FMO1: variants seen among roughly 807,000 people sequenced by gnomAD.
FMO1 encodes the protein flavin-containing monooxygenase 1.
In FMO1, 36 loss-of-function variants were observed where a neutral mutation model predicts 45.4. The observed-to-expected ratio is 0.79, with a 90% CI of 0.61 to 1.05. FMO1 has a LOEUF of 1.05. Among genes scored for constraint, FMO1 ranks in the 50% least tolerant of loss-of-function variants. The pLI is 0.00. For missense variants in FMO1, 615 were observed against 640.3 expected, an observed-to-expected ratio of 0.96 and a Z score of 0.43; for synonymous variants, 228 against 227.2, an observed-to-expected ratio of 1.00 and a Z score of -0.03.
intron 5 of FMO1, among the ~76,000 whole-genome samples, chr1:171,280,546 A>G (rs963173047): frequency 1.3e-5 from 2 of 152,194 alleles, no homozygotes; most frequent in African/African-American, 4.8e-5. Context: ...CTGGCAGATA[A>G]TAAGTATTCA....
chr1:171,256,161 T>C (rs1365139829), intron 1 of FMO1, among the ~76,000 whole-genome samples: 1 of 149,698 alleles, frequency 6.7e-6, no homozygotes, highest in Non-Finnish European at 1.5e-5. Context: ...TAGTCCCAGC[T>C]ATTCAGGAGG....
intron 1 of FMO1, among the ~76,000 whole-genome samples, chr1:171,256,866 C>T (rs960775181): frequency 1.3e-5 from 2 of 152,012 alleles, no homozygotes; most frequent in Non-Finnish European, 2.9e-5. Context: ...ACTTAACAAA[C>T]TTAGGGAGAT....
Position 171,280,963 on chromosome 1 carries a change from T to G in FMO1, c.805T>G (p.Tyr269Asp). 1 of 1,613,712 alleles carries G rather than the reference T, an allele frequency of 6.2e-7. No individual in the cohort carries two copies. The highest frequency in any genetic ancestry group is 2.2e-5 in the East Asian group (1 of 44,866). ...KINNWLNHAN[Y>D]GLIPEDRTQL... Reference sequence around the variant, plus strand: ...AAACAACTGGCTCAATCATGCAAATTACGGCTTAATACCAGAAGACAGGTA... The same window carrying G: ...AAACAACTGGCTCAATCATGCAAATGACGGCTTAATACCAGAAGACAGGTA... The change falls in exon 6 of 9, where the codon TAC becomes GAC. Residue 269 changes from tyrosine (Y) to aspartate (D), a missense_variant. Physicochemically the swap from Tyr to Asp is radical, Grantham distance 160. Coordinates refer to ENST00000617670, the MANE Select transcript of FMO1 (RefSeq NM_001282693.2).
At chr1:171,275,066 T>C (rs900214312) in intron 3 of FMO1, among the ~76,000 whole-genome samples, 10 of 152,202 alleles carry the variant, frequency 6.6e-5, no homozygotes, top group Non-Finnish European at 1.5e-4. Flanking sequence ...ATCAGAAACT[T>C]AGGTTCTAAT....
intron 3 of FMO1, among the ~76,000 whole-genome samples, chr1:171,268,012 G>A (rs1660689647): frequency 6.6e-6 from 1 of 152,158 alleles, no homozygotes; most frequent in Admixed American, 6.5e-5. Context: ...CACATTTTCA[G>A]CTTGGGCCAA....
intron 2 of FMO1, among the ~76,000 whole-genome samples, chr1:171,263,026 G>T (rs1347778459): frequency 6.6e-6 from 1 of 152,190 alleles, no homozygotes; most frequent in South Asian, 2.1e-4. Flanking sequence ...CTATTTAGGG[G>T]TGAATTTTAT....
At chr1:171,253,402 C>T (rs976417652) in intron 1 of FMO1, among the ~76,000 whole-genome samples, 5 of 152,142 alleles carry the variant, frequency 3.3e-5, no homozygotes, top group African/African-American at 1.2e-4. Context: ...CATGGTGGCT[C>T]ATGGCTATGG....
chr1:171,269,777 C>T (rs896734755), intron 3 of FMO1, among the ~76,000 whole-genome samples: 2 of 152,146 alleles, frequency 1.3e-5, no homozygotes, highest in Non-Finnish European at 2.9e-5. Context: ...TACTGAGATG[C>T]AAAATTTAAG....
At chr1:171,269,254 G>A (rs1263820142) in intron 3 of FMO1, among the ~76,000 whole-genome samples, 1 of 152,174 alleles carries the variant, frequency 6.6e-6, no homozygotes, top group Non-Finnish European at 1.5e-5. Context: ...AACGTCAGAG[G>A]TTAGAACAGT....
At position 171,267,598 on chromosome 1, in the gene FMO1, G is replaced by T. The variant is rs538710309; in HGVS notation, c.188G>T (p.Cys63Phe). ...TACAAGTCTGTGGTTTCCAACAGCT[G>T]CAAGGAGATGTCTTGTTACTCAGAC... ...SLYKSVVSNS[C>F]KEMSCYSDFP... Residue 63 changes from cysteine (C) to phenylalanine (F), a missense_variant, in exon 3 of 9, where the codon TGC (cysteine) becomes TTC (phenylalanine). Cys to Phe is a radical substitution (Grantham distance 205, BLOSUM62 -2). Coordinates refer to ENST00000617670, the MANE Select transcript of FMO1 (RefSeq NM_001282693.2). 27 of 1,613,826 alleles carry T rather than the reference G, an allele frequency of 1.7e-5. No individual in the cohort carries two copies. In the South Asian group the frequency reaches 2.9e-4, roughly 17 times the overall value.
At chr1:171,264,335 TACAC>T (rs199581410) in intron 2 of FMO1, among the ~76,000 whole-genome samples, 1 of 147,870 alleles carries the variant, frequency 6.8e-6, no homozygotes, top group Non-Finnish European at 1.5e-5. Context: ...TATATATATA[TACAC>T]ACACACACAC....
intron 2 of FMO1, among the ~76,000 whole-genome samples, chr1:171,264,898 C>CAA (rs528840080): frequency 3.4e-5 from 5 of 148,668 alleles, no homozygotes; most frequent in Non-Finnish European, 7.5e-5. Context: ...GACTCCATCT[C>CAA]AAAAAAAAAC....
intron 2 of FMO1, among the ~76,000 whole-genome samples, chr1:171,264,354 T>TTA (rs201901760): frequency 0.01 from 1,511 of 147,424 alleles, 25 homozygotes; most frequent in African/African-American, 0.034. Flanking sequence ...ACACACACAT[T>TTA]TATATATATA....
intron 3 of FMO1, chr1:171,270,957 ATCATCTTCTTCATCT>A (rs575630267): frequency 5.1e-6 from 4 of 786,618 alleles, no homozygotes; most frequent in Admixed American, 2.1e-5. Flanking sequence ...CAACTTATTC[ATCATCTTCTTCATCT>A]TCATCTTCTT....
At chr1:171,250,628 C>A (rs1659842129) in intron 1 of FMO1, among the ~76,000 whole-genome samples, 1 of 152,164 alleles carries the variant, frequency 6.6e-6, no homozygotes, top group Non-Finnish European at 1.5e-5. Flanking sequence ...TAGTTTCTAA[C>A]CCTGTAGTTA....
intron 1 of FMO1, among the ~76,000 whole-genome samples, chr1:171,253,530 G>A (rs1482556961): frequency 6.6e-6 from 1 of 152,082 alleles, no homozygotes; most frequent in Non-Finnish European, 1.5e-5. Flanking sequence ...GGGAGGCCGA[G>A]GCGGGTGGAT....
rs761781331 is a variant in FMO1, at chr1:171,267,735, A to G, written c.321+4A>G. 2 of 1,603,282 alleles carry G rather than the reference A, an allele frequency of 1.2e-6. No homozygotes were observed. The highest frequency in any genetic ancestry group is 1.7e-6 in the Non-Finnish European group (2 of 1,173,700). On this transcript the variant is annotated splice_donor_region_variant and intron_variant, in intron 3 of 8. Transcript: ENST00000617670. ...TCTGAAACACATTCAATTCAAGGTA[A>G]GACACAAAACATCAGTTAGTAGTCA...
At chr1:171,254,573 A>G (rs1369549421) in intron 1 of FMO1, among the ~76,000 whole-genome samples, 1 of 152,194 alleles carries the variant, frequency 6.6e-6, no homozygotes, top group African/African-American at 2.4e-5. Context: ...TATACCTTAT[A>G]TATACAGAAG....
At chr1:171,257,739 C>T (rs1660219240) in intron 1 of FMO1, 2 of 323,396 alleles carry the variant, frequency 6.2e-6, no homozygotes, top group Admixed American at 4.4e-5. Context: ...CTATGCAGTT[C>T]TAGGGCCACA....
Sources: gnomAD v4.1 joint callset for allele counts (sites outside exome capture counted in the v4.1 genomes callset) on GRCh38, gnomAD v4.1.1 for gene constraint, MANE v1.5 for transcripts, NCBI Gene and HGNC (gene_info 2026-07-23, HGNC 2026-07-21) for gene names.